CDKL4: variants seen among roughly 807,000 people sequenced by gnomAD.
CDKL4 encodes cyclin dependent kinase like 4, also known as cyclin-dependent kinase-like 4.
In CDKL4, 44 loss-of-function variants were observed where a neutral mutation model predicts 42.0. The observed-to-expected ratio is 1.05, with a 90% CI of 0.82 to 1.35. The LOEUF is 1.35. Ranked by LOEUF, CDKL4 falls within the 40% of genes most tolerant of loss-of-function variation. CDKL4 has a pLI of 0.00. For synonymous variants in CDKL4, 120 were observed against 121.6 expected (o/e 0.99, Z 0.09); for missense variants, 393 against 369.9 (o/e 1.06, Z -0.51).
chr2:39,244,994 T>C (rs564887722), upstream of CDKL4, among the ~76,000 whole-genome samples: 2 of 152,208 alleles, frequency 1.3e-5, no homozygotes, highest in Non-Finnish European at 2.9e-5. Context: ...AGCTCAGGGA[T>C]TGTAAACACA....
At chr2:39,208,910 G>A (rs1012851669) in intron 4 of CDKL4, among the ~76,000 whole-genome samples, 1 of 151,684 alleles carries the variant, frequency 6.6e-6, no homozygotes, top group Non-Finnish European at 1.5e-5. Context: ...CTCACACATC[G>A]AGGAGAGAGA....
intron 4 of CDKL4, among the ~76,000 whole-genome samples, chr2:39,205,269 A>G (rs892482083): frequency 6.6e-6 from 1 of 152,230 alleles, no homozygotes; most frequent in African/African-American, 2.4e-5. Flanking sequence ...TTAAACCGTA[A>G]GAGGTAAAAC....
At chr2:39,186,141 A>G (rs1454965398) in intron 7 of CDKL4, among the ~76,000 whole-genome samples, 2 of 152,234 alleles carry the variant, frequency 1.3e-5, no homozygotes, top group Non-Finnish European at 2.9e-5. Context: ...CACACGTTAT[A>G]TAAATATTCC....
At chr2:39,239,040 C>T (rs1201509180) in intron 1 of CDKL4, among the ~76,000 whole-genome samples, 1 of 152,232 alleles carries the variant, frequency 6.6e-6, no homozygotes, top group Non-Finnish European at 1.5e-5. Context: ...GAGTGAGCCA[C>T]TGCGCCTGGC....
chr2:39,213,740 AAAAAG>A (rs1393760235), intron 3 of CDKL4, among the ~76,000 whole-genome samples: 2 of 152,326 alleles, frequency 1.3e-5, no homozygotes, highest in East Asian at 1.9e-4. Context: ...AAGGAATAAA[AAAAAG>A]AAAAGGAAAG....
intron 5 of CDKL4, among the ~76,000 whole-genome samples, chr2:39,197,271 TCAAAGA>T (rs911705481): frequency 6.6e-6 from 1 of 151,874 alleles, no homozygotes; most frequent in African/African-American, 2.4e-5. Context: ...ACCCAATCTG[TCAAAGA>T]CAAAGAAAAA....
intron 6 of CDKL4, among the ~76,000 whole-genome samples, chr2:39,188,355 A>T (rs1675954600): frequency 6.6e-6 from 1 of 151,606 alleles, no homozygotes; most frequent in African/African-American, 2.4e-5. Context: ...GAAGTCAAGA[A>T]ATCGAGACCA....
chr2:39,232,705 G>T (rs1053301174), intron 1 of CDKL4, among the ~76,000 whole-genome samples: 1 of 152,024 alleles, frequency 6.6e-6, no homozygotes, highest in Non-Finnish European at 1.5e-5. Flanking sequence ...TAAATCCAGT[G>T]CCTTCAATAT....
intron 9 of CDKL4, among the ~76,000 whole-genome samples, chr2:39,177,499 G>T (rs1489839720): frequency 6.6e-6 from 1 of 151,528 alleles, no homozygotes; most frequent in Non-Finnish European, 1.5e-5. Flanking sequence ...CCGCCTCCAG[G>T]GTTTAAGCGA....
the CDKL4 span, among the ~76,000 whole-genome samples, chr2:39,167,986 A>G: frequency 1.3e-5 from 2 of 152,308 alleles, no homozygotes; most frequent in Non-Finnish European, 2.9e-5. Context: ...AGACAGAAAT[A>G]TTTCTTTTAT....
chr2:39,240,617 T>C (rs1034313256), intron 1 of CDKL4, among the ~76,000 whole-genome samples: 4 of 146,272 alleles, frequency 2.7e-5, no homozygotes, highest in African/African-American at 7.6e-5. Context: ...GGATTATCCA[T>C]GCAACGAAAT....
At chr2:39,223,582 T>TC (rs1678505207) in intron 3 of CDKL4, among the ~76,000 whole-genome samples, 1 of 129,490 alleles carries the variant, frequency 7.7e-6, no homozygotes, top group Admixed American at 7.4e-5. Context: ...TTTCCTTCTC[T>TC]TTTTTTTTTT....
At chr2:39,201,702 C>T (rs1451718563) in intron 5 of CDKL4, among the ~76,000 whole-genome samples, 1 of 152,110 alleles carries the variant, frequency 6.6e-6, no homozygotes, top group Non-Finnish European at 1.5e-5. Context: ...ATTATTCTAA[C>T]CATTATTCTA....
At chr2:39,210,565 A>G (rs962404228) in intron 4 of CDKL4, among the ~76,000 whole-genome samples, 4 of 152,242 alleles carry the variant, frequency 2.6e-5, no homozygotes, top group African/African-American at 7.2e-5. Flanking sequence ...TATCCAATTT[A>G]GGTATTAAAG....
intron 6 of CDKL4, among the ~76,000 whole-genome samples, chr2:39,189,312 A>G (rs1676031854): frequency 6.6e-6 from 1 of 152,214 alleles, no homozygotes; most frequent in Admixed American, 6.5e-5. Context: ...CTCACGAAAG[A>G]AACCCTTGCA....
In CDKL4 at chr2:39,226,712, C is replaced by T. The variant is rs115836939; in HGVS notation, c.169-752G>A. On this transcript the variant is annotated intron_variant, in intron 2 of 9. Transcript: ENST00000451199. ...GGGTAGAAGCCAGGACTATCGTAGG[C>T]AAACCAGCACATATGGTCACTCCGT... is the stretch of plus-strand genomic sequence containing the variant. Among the ~76,000 whole-genome samples the T allele has an allele frequency of 5.1e-3, 782 of 151,858 alleles. 11 individuals are homozygous for T. Among genetic ancestry groups the T allele is most frequent in the African/African-American group, 0.017 (693 of 41,390 alleles).
intron 8 of CDKL4, among the ~76,000 whole-genome samples, chr2:39,179,527 G>A (rs1208597211): frequency 6.6e-6 from 1 of 152,196 alleles, no homozygotes; most frequent in Non-Finnish European, 1.5e-5. Context: ...ATGAATGGAT[G>A]GTCAGTGTCT....
intron 4 of CDKL4, among the ~76,000 whole-genome samples, chr2:39,204,944 C>T (rs562333518): frequency 4.0e-5 from 6 of 150,962 alleles, no homozygotes; most frequent in East Asian, 1.9e-4. Flanking sequence ...TTTGTGAGGC[C>T]GAGGCGGGAG....
At chr2:39,222,234 G>A (rs953180911) in intron 3 of CDKL4, among the ~76,000 whole-genome samples, 2 of 152,156 alleles carry the variant, frequency 1.3e-5, no homozygotes, top group African/African-American at 4.8e-5. Flanking sequence ...AAGGAAGGAA[G>A]AAATTCCATC....
Sources: gnomAD v4.1 joint callset for allele counts (sites outside exome capture counted in the v4.1 genomes callset) on GRCh38, gnomAD v4.1.1 for gene constraint, MANE v1.5 for transcripts, NCBI Gene and HGNC (gene_info 2026-07-23, HGNC 2026-07-21) for gene names.